Variants in POMT2 observed in about 807,000 individuals in gnomAD.
POMT2 encodes the protein protein O-mannosyl-transferase 2.
Under a neutral mutation model 100.0 loss-of-function variants are expected in POMT2, and 75 were observed. That is an observed-to-expected ratio of 0.75 (90% confidence interval 0.62 to 0.91). The LOEUF is 0.91. POMT2 is among the 40% of genes least tolerant of loss of function. The pLI is 0.00. For synonymous variants in POMT2, 378 were observed against 374.1 expected (o/e 1.01, Z -0.12); for missense variants, 940 against 955.1 (o/e 0.98, Z 0.21).
intron 5 of POMT2, 92 bp from the exon 6 acceptor site, chr14:77,301,341 G>A: frequency 6.5e-7 from 1 of 1,531,718 alleles, no homozygotes; most frequent in South Asian, 1.1e-5. Flanking sequence ...CAGACTTGGA[G>A]CGGCTGTGCT....
At chr14:77,298,655 C>A (rs1890915237) in intron 8 of POMT2, 34 bp downstream of exon 8, 1 of 1,610,580 alleles carries the variant, frequency 6.2e-7, no homozygotes. Flanking sequence ...CACCCCTCTG[C>A]CTTCTACCTT....
At chr14:77,315,500 A>T (rs2139529717) in intron 1 of POMT2, among the ~76,000 whole-genome samples, 1 of 152,330 alleles carries the variant, frequency 6.6e-6, no homozygotes, top group African/African-American at 2.4e-5. Flanking sequence ...GGGAAGTTAA[A>T]GTGACATTCC....
intron 11 of POMT2, among the ~76,000 whole-genome samples, chr14:77,287,981 T>G (rs560917640): frequency 1.1e-4 from 17 of 152,286 alleles, no homozygotes; most frequent in Middle Eastern, 3.4e-3. Flanking sequence ...GGTCCTAAAG[T>G]GGACCTGGGC....
Position 77,311,950 on chromosome 14 carries a change from T to C in POMT2, c.332A>G (p.Lys111Arg). The change falls in exon 2 of 21, where the codon AAG becomes AGG. Residue 111 changes from lysine to arginine, a missense_variant and splice_region_variant. Coordinates refer to ENST00000261534, the MANE Select transcript of POMT2 (RefSeq NM_013382.7). Reference sequence around the variant, plus strand: ...GCTGCTATTCACCACACTGCTCACCTTTCCCAGGGGCGGGTGCACATCAAA... The same window carrying C: ...GCTGCTATTCACCACACTGCTCACCCTTCCCAGGGGCGGGTGCACATCAAA... ...FFFDVHPPLG[K>R]MLIGLAGYLS... 1 of 1,614,064 alleles carries C rather than the reference T, an allele frequency of 6.2e-7. No individual in the cohort carries two copies. Among genetic ancestry groups the C allele is most frequent in the Non-Finnish European group, 8.5e-7 (1 of 1,179,960 alleles).
rs1891187328 is a variant in POMT2, at chr14:77,305,335, T to G, written c.439-535A>C. On this transcript the variant is annotated intron_variant, in intron 3 of 20. Coordinates refer to ENST00000261534, the MANE Select transcript of POMT2 (RefSeq NM_013382.7). ...AGGGATTGCTTGATACTTCAGTAGC[T>G]GGATACCTGTTTGGTTTTTTGTTTT... Among the ~76,000 whole-genome samples the G allele has an allele frequency of 2.6e-5, 4 of 152,350 alleles. No individual in the cohort carries two copies. The South Asian group carries it at 8.3e-4, about 32-fold the overall frequency.
chr14:77,292,807 C>T (rs1040144876), intron 9 of POMT2, among the ~76,000 whole-genome samples: 1 of 152,172 alleles, frequency 6.6e-6, no homozygotes, highest in African/African-American at 2.4e-5. Context: ...CTGCAGTATT[C>T]AGTACAGTAA....
At chr14:77,287,647 G>A (rs1890483280) in intron 11 of POMT2, 1 of 151,606 alleles carries the variant, frequency 6.6e-6, no homozygotes, top group South Asian at 2.1e-4. Context: ...TGCTCCTGCT[G>A]TCTGTCGTTT....
chr14:77,280,089 T>C lies in POMT2; in HGVS notation c.1726-9A>G, dbSNP rs747493997. 4.2e-5 allele frequency: 68 copies of C among 1,613,560 alleles called. No individual in the cohort carries two copies. The highest frequency in any genetic ancestry group is 2.2e-5 in the Non-Finnish European group (26 of 1,180,000). On this transcript the variant is annotated splice_polypyrimidine_tract_variant and intron_variant, in intron 16 of 20. Transcript: ENST00000261534. ...CCTGAGAAGCGTAGGCCCTGTGGAATAGAGACCACCCTGCTGACCCAGGCC... is the reference window on the plus strand; with the variant it reads ...CCTGAGAAGCGTAGGCCCTGTGGAACAGAGACCACCCTGCTGACCCAGGCC...
chr14:77,304,746 C>A lies in POMT2; in HGVS notation c.493G>T (p.Asp165Tyr), dbSNP rs1316201277. Residue 165 changes from aspartate to tyrosine, a missense_variant, in exon 4 of 21, where the codon GAT becomes TAT. By Grantham distance (160) the Asp-to-Tyr change is radical. Transcript: ENST00000261534. ...LVPFAYLTVL[D>Y]LSKSLSAALL... ...GCTGCCGAGAGGGACTTGGACAGAT[C>A]CAGTACAGTGAGGTAGGCAAAGGGG... 6.2e-7 allele frequency: 1 copy of A among 1,601,440 alleles called. No homozygotes were observed. The highest frequency in any genetic ancestry group is 1.3e-5 in the African/African-American group (1 of 74,932).
intron 9 of POMT2, among the ~76,000 whole-genome samples, chr14:77,295,883 GAGA>G (rs1240104545): frequency 2.0e-5 from 3 of 152,026 alleles, no homozygotes; most frequent in East Asian, 1.9e-4. Flanking sequence ...AGTTCAATAT[GAGA>G]AGGTTTACCA....
intron 9 of POMT2, among the ~76,000 whole-genome samples, chr14:77,294,327 T>C (rs1890746032): frequency 6.6e-6 from 1 of 152,164 alleles, no homozygotes; most frequent in African/African-American, 2.4e-5. Flanking sequence ...ATGGTTTTAT[T>C]TTTTTATTTT....
chr14:77,294,685 T>C (rs1477956461), intron 9 of POMT2, among the ~76,000 whole-genome samples: 2 of 152,224 alleles, frequency 1.3e-5, no homozygotes, highest in African/African-American at 4.8e-5. Flanking sequence ...CCACATAAAA[T>C]GTGACTTGCT....
intron 2 of POMT2, 76 bp downstream of exon 2, chr14:77,311,873 C>A: frequency 1.3e-6 from 2 of 1,553,202 alleles, no homozygotes; most frequent in South Asian, 1.2e-5. Flanking sequence ...GCCCCAAATC[C>A]AAAATCAAGA....
rs1312063111 is a variant in POMT2, at chr14:77,275,228, T to G, written c.*2148A>C. ...GCTGCATCAGCCCATGTGGCCTTGC[T>G]CCCAGAGAAGCATCTGCCAGTTTGG... On this transcript the variant is annotated 3_prime_UTR_variant, in exon 21 of 21. Transcript: ENST00000261534. 1.3e-5 allele frequency: 2 copies of G among 152,194 alleles called. No homozygotes were observed. Among genetic ancestry groups the G allele is most frequent in the Non-Finnish European group, 2.9e-5 (2 of 68,034 alleles). The allele number at this position is 152,194 out of a possible 1,614,324, so 9.4% of individuals were successfully genotyped here.
intron 8 of POMT2, among the ~76,000 whole-genome samples, chr14:77,298,190 C>G (rs1041755731): frequency 6.6e-6 from 1 of 152,182 alleles, no homozygotes; most frequent in African/African-American, 2.4e-5. Flanking sequence ...ATGCCCTTAA[C>G]CGCCCAGCAG....
rs201328470 is a variant in POMT2 at position 77,277,498 on chromosome 14, G to C, written c.2148-17C>G. On this transcript the variant is annotated splice_polypyrimidine_tract_variant and intron_variant, in intron 20 of 20. Transcript: ENST00000261534. ...AGGTAGAAGCTGTGAGAGAGAACCA[G>C]TAGGAGGCAGTTGGCACCCCCAGTG... The C allele has an allele frequency of 6.1e-5, 96 of 1,581,640 alleles. No individual in the cohort carries two copies. In the African/African-American group the frequency reaches 1.1e-3, roughly 18 times the overall value.
In POMT2 at chr14:77,279,905, C is replaced by G. The variant is rs1278502718; in HGVS notation, c.1809G>C (p.Leu603Phe). Residue 603 changes from leucine (L) to phenylalanine (F), a missense_variant, in exon 18 of 21, where the codon TTG becomes TTC. Physicochemically the swap from Leu to Phe is conservative, Grantham distance 22. Transcript: ENST00000261534. ...GNPVVWWLNLLSIALYLLSGS... is the reference protein window; with the variant it reads ...GNPVVWWLNLFSIALYLLSGS... The stretch of plus-strand genomic sequence containing the variant: ...CTGAGAGGAGGTAGAGGGCGATGCT[C>G]AACAGATTCAGCCACCAAACCACCT... 3.7e-6 allele frequency: 6 copies of G among 1,614,070 alleles called. No individual in the cohort carries two copies. Among genetic ancestry groups the G allele is most frequent in the Admixed American group, 1.7e-5 (1 of 60,010 alleles).
intron 15 of POMT2, among the ~76,000 whole-genome samples, chr14:77,281,484 G>A (rs1485222218): frequency 3.9e-5 from 6 of 152,196 alleles, no homozygotes; most frequent in African/African-American, 1.2e-4. Flanking sequence ...CAGCAGCCAA[G>A]AACATCTGCT....
chr14:77,302,820 G>A lies in POMT2; in HGVS notation c.656+15C>T. 3 of 1,598,404 alleles carry A rather than the reference G, an allele frequency of 1.9e-6. No individual in the cohort carries two copies. Among genetic ancestry groups the A allele is most frequent in the Non-Finnish European group, 2.6e-6 (3 of 1,166,408 alleles). On this transcript the variant is annotated intron_variant, in intron 5 of 20. Transcript: ENST00000261534. ...CAGCTTCCAACCCTCCCCTCCCGGGGATGGAGTTTCTGACCTGTCGGCGCA... is the reference window on the plus strand; with the variant it reads ...CAGCTTCCAACCCTCCCCTCCCGGGAATGGAGTTTCTGACCTGTCGGCGCA...
Sources: gnomAD v4.1 joint callset for allele counts (sites outside exome capture counted in the v4.1 genomes callset) on GRCh38, gnomAD v4.1.1 for gene constraint, MANE v1.5 for transcripts, NCBI Gene and HGNC (gene_info 2026-07-23, HGNC 2026-07-21) for gene names.